The following THRA variants were observed in gnomAD, a reference collection of about 807,000 sequenced individuals.
THRA encodes EAR-7.
Under a neutral mutation model 45.0 loss-of-function variants are expected in THRA, and 13 were observed. The ratio of observed to expected loss-of-function variants is 0.29; its 90% CI spans 0.19 to 0.46. The LOEUF (loss-of-function observed/expected upper bound fraction) is 0.46. Among genes scored for constraint, THRA ranks in the 20% least tolerant of loss-of-function variants. THRA has a pLI of 1.00. For synonymous variants in THRA, 195 were observed against 214.0 expected, an observed-to-expected ratio of 0.91 and a Z score of 0.78; for missense variants, 278 against 556.1, an observed-to-expected ratio of 0.50 and a Z score of 5.03.
chr17:40,082,340 A>G (rs569150289), intron 4 of THRA, among the ~76,000 whole-genome samples: 17 of 148,976 alleles, frequency 1.1e-4, no homozygotes, highest in Non-Finnish European at 1.9e-4. Flanking sequence ...TCAGCCTCCC[A>G]AGTAGCTGGG....
chr17:40,093,230 C>T, downstream of THRA: 1 of 1,613,712 alleles, frequency 6.2e-7, no homozygotes, highest in South Asian at 1.1e-5. The surrounding 1 kb of genome is among the most constrained non-coding windows in gnomAD (Gnocchi z 5.9). Flanking sequence ...GAGCCCGCAG[C>T]AGCGTCTCCT....
Position 40,089,823 on chromosome 17 carries a change from T to C in THRA, c.*367T>C. 1 of 1,118,316 alleles carries C rather than the reference T, an allele frequency of 8.9e-7. No homozygotes were observed. Among genetic ancestry groups the C allele is most frequent in the Non-Finnish European group, 1.1e-6 (1 of 908,418 alleles). The allele number at this position is 1,118,316 out of a possible 1,614,324, so 69.3% of individuals were successfully genotyped here. A position where few individuals can be genotyped will look rare whatever the true frequency, so the allele number is the denominator to read the frequency against. On this transcript the variant is annotated 3_prime_UTR_variant, in exon 9 of 9. Transcript: ENST00000450525. The surrounding 1 kb of genome is among the most constrained non-coding windows in gnomAD (Gnocchi z 6.1). Reference sequence around the variant, plus strand: ...TGGGCTGGGGGAAGATGCCCTCAACTCACCCCCTACACACACATGAGAGAG... The same window carrying C: ...TGGGCTGGGGGAAGATGCCCTCAACCCACCCCCTACACACACATGAGAGAG...
intron 2 of THRA, 136 bp downstream of exon 2, chr17:40,074,677 T>C: frequency 1.1e-6 from 1 of 871,434 alleles, no homozygotes; most frequent in Non-Finnish European, 1.9e-6. Context: ...TGCCTACCTT[T>C]GTCTGGCAGA....
At position 40,082,174 on chromosome 17, in the gene THRA, G is replaced by A. The variant is rs1987159137; in HGVS notation, c.223-1661G>A. Among the ~76,000 whole-genome samples, 3 of 147,166 alleles carry A rather than the reference G, an allele frequency of 2.0e-5. No individual in the cohort carries two copies. The South Asian group carries it at 6.4e-4, about 32-fold the overall frequency. ...TCAGTGTTGTTTTTAAAGTCATTTA[G>A]CAAAATGGAAAATGAGGTTTTACTT... On this transcript the variant is annotated intron_variant, in intron 4 of 8. Transcript: ENST00000450525.
At chr17:40,065,822 C>T (rs1407933854) in intron 1 of THRA, among the ~76,000 whole-genome samples, 1 of 152,040 alleles carries the variant, frequency 6.6e-6, no homozygotes, top group African/African-American at 2.4e-5. Context: ...GCCTGCATGT[C>T]TGGAGACACC....
At position 40,089,925 on chromosome 17, in the gene THRA, A is replaced by C; in HGVS notation, c.*469A>C. On this transcript the variant is annotated 3_prime_UTR_variant, in exon 9 of 9. Coordinates refer to ENST00000450525, the MANE Select transcript of THRA (RefSeq NM_199334.5). The surrounding 1 kb of genome is among the most constrained non-coding windows in gnomAD (Gnocchi z 6.1). The stretch of plus-strand genomic sequence containing the variant: ...TCTACTTCCCCAGATGCCTGGGTGC[A>C]AAGAACGGCTTGGCTTGGCTCCTCC... 1.0e-6 allele frequency: 1 copy of C among 995,566 alleles called. No individual in the cohort carries two copies. Among genetic ancestry groups the C allele is most frequent in the Non-Finnish European group, 1.2e-6 (1 of 836,168 alleles). The allele number at this position is 995,566 out of a possible 1,614,324, so 61.7% of individuals were successfully genotyped here. A position where few individuals can be genotyped will look rare whatever the true frequency, so the allele number is the denominator to read the frequency against.
At chr17:40,076,297 A>T (rs1371335227) in intron 2 of THRA, among the ~76,000 whole-genome samples, 1 of 152,188 alleles carries the variant, frequency 6.6e-6, no homozygotes, top group East Asian at 1.9e-4. Flanking sequence ...CAACACGTGC[A>T]CACTGGAGGG....
intron 5 of THRA, 66 bp downstream of exon 5, chr17:40,084,048 A>G: frequency 6.6e-7 from 1 of 1,516,954 alleles, no homozygotes; most frequent in Non-Finnish European, 8.9e-7. Context: ...CTGGGAGGGC[A>G]GCTTCCTTCC....
chr17:40,091,271 C>T lies in THRA; in HGVS notation c.*1815C>T, dbSNP rs569510844. On this transcript the variant is annotated 3_prime_UTR_variant, in exon 9 of 9. Coordinates refer to ENST00000450525, the MANE Select transcript of THRA (RefSeq NM_199334.5). Reference sequence around the variant, plus strand: ...ACACACACACACACACACACACACACGGACATGCACACACGGACATGGGAA... The same window carrying T: ...ACACACACACACACACACACACACATGGACATGCACACACGGACATGGGAA... 1.8e-3 allele frequency: 274 copies of T among 152,356 alleles called. No homozygotes were observed. The highest frequency in any genetic ancestry group is 3.8e-3 in the South Asian group (18 of 4,786). The allele number at this position is 152,356 out of a possible 1,614,324, so 9.4% of individuals were successfully genotyped here. A position where few individuals can be genotyped will look rare whatever the true frequency, so the allele number is the denominator to read the frequency against.
intron 6 of THRA, among the ~76,000 whole-genome samples, chr17:40,085,385 G>C (rs1987286189): frequency 6.6e-6 from 1 of 151,922 alleles, no homozygotes; most frequent in South Asian, 2.1e-4. Context: ...CCAGGCTAGA[G>C]TGCAGTGGCA....
At chr17:40,078,977 G>A (rs1315498240) in intron 4 of THRA, among the ~76,000 whole-genome samples, 2 of 152,006 alleles carry the variant, frequency 1.3e-5, no homozygotes, top group Non-Finnish European at 2.9e-5. Flanking sequence ...TGATCCGCCC[G>A]CCTTGGCCTC....
intron 1 of THRA, among the ~76,000 whole-genome samples, chr17:40,073,297 C>T (rs1418707490): frequency 1.3e-5 from 2 of 152,174 alleles, no homozygotes; most frequent in African/African-American, 2.4e-5. Flanking sequence ...ATGGTGGGCC[C>T]GGCTTGGCAC....
chr17:40,071,058 CCCCCTCCTCCCTTCTTCCCTCTTT>C (rs928010374), intron 1 of THRA, among the ~76,000 whole-genome samples: 1 of 151,526 alleles, frequency 6.6e-6, no homozygotes, highest in Non-Finnish European at 1.5e-5. Flanking sequence ...CTTTGTTCTT[CCCCCTCCTCCCTTCTTCCCTCTTT>C]CCCCCACCAG....
At chr17:40,062,928 G>C (rs1986406594), upstream of THRA, 1 of 149,958 alleles carries the variant, frequency 6.7e-6, no homozygotes, top group Non-Finnish European at 1.5e-5. Flanking sequence ...GAGGAGCCGC[G>C]GGGCCGCCAC....
intron 7 of THRA, among the ~76,000 whole-genome samples, chr17:40,087,661 A>G (rs936751930): frequency 5.9e-5 from 9 of 152,158 alleles, no homozygotes; most frequent in African/African-American, 2.2e-4. Flanking sequence ...CTGCCCTACT[A>G]GCCATGTGAC....
intron 4 of THRA, among the ~76,000 whole-genome samples, chr17:40,079,306 G>A (rs529569214): frequency 6.6e-6 from 1 of 152,196 alleles, no homozygotes; most frequent in Admixed American, 6.5e-5. Context: ...GAGTGCAGTG[G>A]TGCAATCTTG....
At chr17:40,073,235 G>A (rs1262989259) in intron 1 of THRA, among the ~76,000 whole-genome samples, 1 of 152,212 alleles carries the variant, frequency 6.6e-6, no homozygotes, top group African/African-American at 2.4e-5. Flanking sequence ...TGTGCACACA[G>A]ACAGTAAGCC....
intron 1 of THRA, among the ~76,000 whole-genome samples, chr17:40,070,537 TG>T (rs1020971060): frequency 2.0e-5 from 3 of 152,132 alleles, no homozygotes; most frequent in African/African-American, 7.2e-5. Context: ...CGTGTTGGCA[TG>T]GGGGGCAGTG....
At chr17:40,062,501 C>G (rs1055458586), upstream of THRA, 1 of 152,134 alleles carries the variant, frequency 6.6e-6, no homozygotes, top group African/African-American at 2.4e-5. Context: ...CCCAAACAAA[C>G]TACACCTGCA....
Sources: gnomAD v4.1 joint callset for allele counts (sites outside exome capture counted in the v4.1 genomes callset) on GRCh38, gnomAD v4.1.1 for gene constraint, Gnocchi (gnomAD v3.1) non-coding constraint, MANE v1.5 for transcripts, NCBI Gene and HGNC (gene_info 2026-07-23, HGNC 2026-07-21) for gene names.